The following RNF38 variants were observed in gnomAD, a reference collection of about 807,000 sequenced individuals.
RNF38 encodes the protein E3 ubiquitin-protein ligase RNF38.
In RNF38, 15 loss-of-function variants were observed where a neutral mutation model predicts 67.2. That is an observed-to-expected ratio of 0.22 (90% CI 0.15 to 0.34). RNF38 has a LOEUF of 0.34. Ranked by LOEUF, RNF38 falls within the 10% of genes least tolerant of loss-of-function variation. The pLI is 1.00. For synonymous variants in RNF38, 220 were observed against 218.8 expected (o/e 1.01, Z -0.05); for missense variants, 524 against 639.9 (o/e 0.82, Z 1.95).
chr9:36,357,772 T>C lies in RNF38; in HGVS notation c.738+3A>G, dbSNP rs570854218. 8.2e-5 allele frequency: 133 copies of C among 1,612,622 alleles called. 2 individuals are homozygous for C. In the South Asian group the frequency reaches 1.4e-3, roughly 17 times the overall value. ...TCTAATGAGAACAAAGATAGAGACTTACTGGAGGAGGCACACTACAGACAG... is the reference window on the plus strand; with the variant it reads ...TCTAATGAGAACAAAGATAGAGACTCACTGGAGGAGGCACACTACAGACAG... On this transcript the variant is annotated splice_donor_region_variant and intron_variant, in intron 5 of 11. Coordinates refer to ENST00000259605, the MANE Select transcript of RNF38 (RefSeq NM_022781.5).
At chr9:36,400,785 A>T (rs907632034), upstream of RNF38, 1 of 985,358 alleles carries the variant, frequency 1.0e-6, no homozygotes, top group African/African-American at 1.7e-5. Flanking sequence ...CCCAGAGATG[A>T]CAGAGTCGCC....
Position 36,357,771 on chromosome 9 carries a change from T to C in RNF38, c.738+4A>G. 6.2e-7 allele frequency: 1 copy of C among 1,612,588 alleles called. No individual in the cohort carries two copies. Among genetic ancestry groups the C allele is most frequent in the Non-Finnish European group, 8.5e-7 (1 of 1,179,136 alleles). On this transcript the variant is annotated splice_donor_region_variant and intron_variant, in intron 5 of 11. Coordinates refer to ENST00000259605, the MANE Select transcript of RNF38 (RefSeq NM_022781.5). The stretch of plus-strand genomic sequence containing the variant: ...ATCTAATGAGAACAAAGATAGAGAC[T>C]TACTGGAGGAGGCACACTACAGACA...
chr9:36,484,552 ATTTT>A (rs922497955), intron 1 of RNF38, among the ~76,000 whole-genome samples: 8 of 152,074 alleles, frequency 5.3e-5, no homozygotes, highest in Admixed American at 3.3e-4. Flanking sequence ...CCTGATTCAG[ATTTT>A]TTTTAAGTAA....
chr9:36,449,313 C>A (rs1839380686), intron 1 of RNF38, among the ~76,000 whole-genome samples: 1 of 152,022 alleles, frequency 6.6e-6, no homozygotes, highest in South Asian at 2.1e-4. Context: ...CACCTATAAT[C>A]CTAGATATTT....
exon 1 of RNF38, chr9:36,487,459 G>A (rs1240474284): frequency 1.0e-6 from 1 of 980,444 alleles, no homozygotes; most frequent in Non-Finnish European, 1.2e-6. Context: ...CAAGCTCGGC[G>A]GGGCCCGGCC....
chr9:36,451,497 T>TTTTTTGTTTG, intron 1 of RNF38, among the ~76,000 whole-genome samples: 1 of 133,202 alleles, frequency 7.5e-6, no homozygotes, highest in African/African-American at 3.0e-5. Context: ...AGTAGTTTTT[T>TTTTTTGTTTG]TTTTTTTTTT....
intron 2 of RNF38, among the ~76,000 whole-genome samples, chr9:36,407,687 T>C (rs1480553814): frequency 6.6e-6 from 1 of 152,208 alleles, no homozygotes; most frequent in East Asian, 1.9e-4. Context: ...CACTCTTGCT[T>C]GTTCTGTTCC....
At chr9:36,478,403 C>CAAAA (rs566516265) in intron 1 of RNF38, among the ~76,000 whole-genome samples, 6 of 72,252 alleles carry the variant, frequency 8.3e-5, no homozygotes, top group Non-Finnish European at 7.8e-5. Flanking sequence ...GACTCCGTCT[C>CAAAA]AAAAAAAAAA....
Position 36,353,338 on chromosome 9 carries a change from AG to A in RNF38, c.910-8del. ...TTTCTATCCTTTGCAGAGGCTGAGG[AG>A]GGGGAAAAAAAAACACATATATGTA... On this transcript the variant is annotated splice_polypyrimidine_tract_variant and splice_region_variant and intron_variant, in intron 6 of 11. Transcript: ENST00000259605. The A allele has an allele frequency of 1.3e-6, 2 of 1,567,880 alleles. No homozygotes were observed. The highest frequency in any genetic ancestry group is 1.2e-5 in the South Asian group (1 of 83,716).
chr9:36,345,448 C>G (rs1003246265), intron 9 of RNF38, among the ~76,000 whole-genome samples: 3 of 152,090 alleles, frequency 2.0e-5, no homozygotes, highest in Admixed American at 1.3e-4. Flanking sequence ...CGGGGCTGGC[C>G]TGGGGACTAC....
upstream of RNF38, among the ~76,000 whole-genome samples, chr9:36,404,793 C>T (rs1033096589): frequency 6.6e-6 from 1 of 152,118 alleles, no homozygotes; most frequent in African/African-American, 2.4e-5. Flanking sequence ...CCAACATATA[C>T]TCATTTTCTT....
At chr9:36,386,367 G>A (rs1182763604) in intron 2 of RNF38, among the ~76,000 whole-genome samples, 2 of 152,128 alleles carry the variant, frequency 1.3e-5, no homozygotes, top group Admixed American at 1.3e-4. Context: ...ATTTTGGCTA[G>A]AAATTTCATT....
chr9:36,388,729 T>C (rs567413823), intron 2 of RNF38, among the ~76,000 whole-genome samples: 3 of 152,076 alleles, frequency 2.0e-5, no homozygotes, highest in African/African-American at 7.2e-5. Context: ...GAGGGTGCCT[T>C]AGAAAAAAAT....
At chr9:36,441,986 C>T (rs992182800) in intron 1 of RNF38, among the ~76,000 whole-genome samples, 2 of 152,196 alleles carry the variant, frequency 1.3e-5, no homozygotes, top group Non-Finnish European at 2.9e-5. Flanking sequence ...CTCTTAGACA[C>T]TAATGATAAT....
At chr9:36,380,265 T>C (rs1836112389) in intron 2 of RNF38, among the ~76,000 whole-genome samples, 1 of 152,346 alleles carries the variant, frequency 6.6e-6, no homozygotes, top group Admixed American at 6.5e-5. Flanking sequence ...AATGGCAGGA[T>C]CTCGGCTCAC....
intron 3 of RNF38, among the ~76,000 whole-genome samples, chr9:36,373,223 G>C (rs1245045445): frequency 6.6e-6 from 1 of 152,096 alleles, no homozygotes; most frequent in Non-Finnish European, 1.5e-5. Flanking sequence ...AAAAAGTTAA[G>C]AAACTGGGCA....
intron 1 of RNF38, among the ~76,000 whole-genome samples, chr9:36,483,030 C>G (rs1840314710): frequency 6.6e-6 from 1 of 152,164 alleles, no homozygotes; most frequent in Non-Finnish European, 1.5e-5. Context: ...CCCTCACTTG[C>G]CACCTGAAAC....
At chr9:36,349,089 C>T (rs1174063528) in intron 9 of RNF38, among the ~76,000 whole-genome samples, 1 of 152,150 alleles carries the variant, frequency 6.6e-6, no homozygotes, top group African/African-American at 2.4e-5. Context: ...GATGACAAAA[C>T]GTCTGTTTAC....
chr9:36,352,247 C>T (rs568594365), intron 8 of RNF38, among the ~76,000 whole-genome samples: 42 of 151,920 alleles, frequency 2.8e-4, no homozygotes, highest in Non-Finnish European at 5.4e-4. Flanking sequence ...TTGCAGTGAG[C>T]CGAGCCGAGG....
Sources: gnomAD v4.1 joint callset for allele counts (sites outside exome capture counted in the v4.1 genomes callset) on GRCh38, gnomAD v4.1.1 for gene constraint, MANE v1.5 for transcripts, NCBI Gene and HGNC (gene_info 2026-07-23, HGNC 2026-07-21) for gene names.